The following ARHGAP32 variants were observed in gnomAD, a reference collection of about 807,000 sequenced individuals.
The protein encoded by ARHGAP32 is rho GTPase-activating protein 32.
In ARHGAP32, 51 loss-of-function variants were observed where a neutral mutation model predicts 186.5. The ratio of observed to expected loss-of-function variants is 0.27; its 90% CI spans 0.22 to 0.35. ARHGAP32 has a LOEUF of 0.35. Among genes scored for constraint, ARHGAP32 ranks in the 10% least tolerant of loss-of-function variants. The probability of loss-of-function intolerance (pLI) is 1.00; values close to 1 mark genes in which losing one functional copy is unlikely to be tolerated. For synonymous variants in ARHGAP32, 950 were observed against 964.3 expected (o/e 0.99, Z 0.27); for missense variants, 2,186 against 2,623.5 (o/e 0.83, Z 3.64).
intron 1 of ARHGAP32, among the ~76,000 whole-genome samples, chr11:129,268,405 A>G (rs998509210): frequency 7.9e-5 from 12 of 152,190 alleles, no homozygotes; most frequent in African/African-American, 2.9e-4. Flanking sequence ...GGTCATGTGA[A>G]TAACTGAGTT....
At chr11:129,031,016 G>A (rs117019656) in intron 11 of ARHGAP32, among the ~76,000 whole-genome samples, 5,138 of 152,158 alleles carry the variant, frequency 0.034, 148 homozygotes, top group Admixed American at 0.089. Flanking sequence ...TCTAGAAGCC[G>A]AGCAGATGCC....
At chr11:129,073,172 C>A (rs1940923460) in intron 6 of ARHGAP32, among the ~76,000 whole-genome samples, 1 of 152,184 alleles carries the variant, frequency 6.6e-6, no homozygotes, top group Non-Finnish European at 1.5e-5. Context: ...TAACATACTT[C>A]TTTGACCCAC....
At chr11:129,104,446 A>C (rs1941994035) in intron 5 of ARHGAP32, among the ~76,000 whole-genome samples, 1 of 152,100 alleles carries the variant, frequency 6.6e-6, no homozygotes, top group Non-Finnish European at 1.5e-5. Flanking sequence ...CCTTTAAATT[A>C]GGTTTTTGAG....
chr11:129,274,885 G>A (rs1237313554), intron 1 of ARHGAP32, among the ~76,000 whole-genome samples: 1 of 148,550 alleles, frequency 6.7e-6, no homozygotes, highest in Non-Finnish European at 1.5e-5. Flanking sequence ...AATCAAAACC[G>A]ACTTTTCTCA....
In ARHGAP32 at chr11:129,248,366, T is replaced by C. The variant is rs138981792; in HGVS notation, c.-5+30780A>G. Among the ~76,000 whole-genome samples, 819 of 152,318 alleles carry C rather than the reference T, an allele frequency of 5.4e-3. 9 individuals carry two copies. The highest frequency in any genetic ancestry group is 0.018 in the African/African-American group (768 of 41,560). On this transcript the variant is annotated intron_variant, in intron 1 of 6. Coordinates refer to the ARHGAP32 transcript ENST00000525234. Reference sequence around the variant, plus strand: ...TACATCAAGAATGACTTCCTTGCGATGCGATGCAGTGTTTTTATTTATGTC... The same window carrying C: ...TACATCAAGAATGACTTCCTTGCGACGCGATGCAGTGTTTTTATTTATGTC...
At position 128,968,839 on chromosome 11, in the gene ARHGAP32, G is replaced by T; in HGVS notation, c.*68C>A. 1 of 1,191,362 alleles carries T rather than the reference G, an allele frequency of 8.4e-7. No homozygotes were observed. The highest frequency in any genetic ancestry group is 1.1e-6 in the Non-Finnish European group (1 of 920,972). 73.8% of individuals were successfully genotyped at this position (1,191,362 alleles called of 1,614,324 possible). A position where few individuals can be genotyped will look rare whatever the true frequency, so the allele number is the denominator to read the frequency against. ...ATAGTATTTTTTGTTTAATCTTTTT[G>T]GTTATTGAAAAAAATAGAACAGTCC... On this transcript the variant is annotated 3_prime_UTR_variant, in exon 23 of 23. Transcript: ENST00000682385.
At chr11:128,986,449 C>A in intron 14 of ARHGAP32, 75 bp downstream of exon 14, 1 of 1,523,490 alleles carries the variant, frequency 6.6e-7, no homozygotes, top group South Asian at 1.2e-5. Context: ...GTGACCAAAC[C>A]AAAGTTCATG....
chr11:129,191,979 CAG>C, intron 1 of ARHGAP32, 102 bp downstream of exon 1: 1 of 845,512 alleles, frequency 1.2e-6, no homozygotes, highest in Non-Finnish European at 1.9e-6. Flanking sequence ...CCCCAGAAAA[CAG>C]AAAGTCTTAT....
intron 11 of ARHGAP32, among the ~76,000 whole-genome samples, chr11:129,011,461 T>C (rs544357164): frequency 6.6e-6 from 1 of 152,254 alleles, no homozygotes; most frequent in East Asian, 1.9e-4. Flanking sequence ...GAAACTGCAT[T>C]AAACAGAGAG....
At chr11:129,093,141 G>A (rs1301928714) in intron 6 of ARHGAP32, among the ~76,000 whole-genome samples, 1 of 152,050 alleles carries the variant, frequency 6.6e-6, no homozygotes, top group Non-Finnish European at 1.5e-5. Flanking sequence ...TAGAAAAAGT[G>A]TGCATCTGAA....
At chr11:129,127,866 C>T (rs1565435598) in intron 2 of ARHGAP32, among the ~76,000 whole-genome samples, 2 of 152,142 alleles carry the variant, frequency 1.3e-5, no homozygotes, top group African/African-American at 4.8e-5. Flanking sequence ...CATCATTCAT[C>T]AACAGAACAT....
At chr11:129,133,312 G>A (rs1034019205) in intron 2 of ARHGAP32, among the ~76,000 whole-genome samples, 2 of 152,176 alleles carry the variant, frequency 1.3e-5, no homozygotes, top group South Asian at 2.1e-4. Flanking sequence ...TCATGTCTTC[G>A]AAGTCTCTGA....
At chr11:129,154,584 C>T (rs972939417) in intron 2 of ARHGAP32, among the ~76,000 whole-genome samples, 2 of 152,056 alleles carry the variant, frequency 1.3e-5, no homozygotes, top group African/African-American at 4.8e-5. Flanking sequence ...TCCGTAGCAA[C>T]CTGGATGGGT....
chr11:129,220,143 A>G (rs1944693968), intron 1 of ARHGAP32, among the ~76,000 whole-genome samples: 1 of 152,194 alleles, frequency 6.6e-6, no homozygotes, highest in Non-Finnish European at 1.5e-5. Flanking sequence ...TATCTGAAAC[A>G]TTCTCCAGAA....
chr11:129,154,270 A>G (rs1943353599), intron 2 of ARHGAP32, among the ~76,000 whole-genome samples: 1 of 152,210 alleles, frequency 6.6e-6, no homozygotes. Flanking sequence ...GAACACGTTT[A>G]CATTGCTGAT....
intron 11 of ARHGAP32, among the ~76,000 whole-genome samples, chr11:129,001,904 A>C (rs1946369207): frequency 6.6e-6 from 1 of 152,202 alleles, no homozygotes; most frequent in Admixed American, 6.5e-5. Flanking sequence ...ACCTTTGATA[A>C]AAATGAGTTC....
At chr11:129,058,817 G>A (rs1289443444) in intron 10 of ARHGAP32, among the ~76,000 whole-genome samples, 1 of 152,262 alleles carries the variant, frequency 6.6e-6, no homozygotes, top group Non-Finnish European at 1.5e-5. Context: ...GTGGAAAGAT[G>A]TCTGATGTAC....
intron 10 of ARHGAP32, among the ~76,000 whole-genome samples, chr11:129,050,940 C>A (rs1020350076): frequency 1.3e-5 from 2 of 152,132 alleles, no homozygotes; most frequent in African/African-American, 2.4e-5. Flanking sequence ...TGGTTTCCAG[C>A]GTCATCCATG....
At chr11:129,278,142 G>A (rs1479354689) in intron 1 of ARHGAP32, among the ~76,000 whole-genome samples, 1 of 152,160 alleles carries the variant, frequency 6.6e-6, no homozygotes, top group African/African-American at 2.4e-5. Flanking sequence ...TCCCCATTCA[G>A]ACTGACTTAA....
Sources: allele counts gnomAD v4.1 joint callset (sites outside exome capture counted in the v4.1 genomes callset), GRCh38; gene constraint gnomAD v4.1.1; transcripts MANE v1.5; gene names NCBI Gene and HGNC (gene_info 2026-07-23, HGNC 2026-07-21).